DDX21: variants seen among roughly 807,000 people sequenced by gnomAD.
DDX21 encodes nucleolar RNA helicase 2.
DDX21 carries 18 observed loss-of-function variants against 90.0 expected under a neutral mutation model. That is an observed-to-expected ratio of 0.20 (90% CI 0.14 to 0.30). DDX21 has a LOEUF of 0.30. Among genes scored for constraint, DDX21 ranks in the 10% least tolerant of loss-of-function variants. The pLI is 1.00. For missense variants in DDX21, 673 were observed against 944.5 expected (o/e 0.71, Z 3.77); for synonymous variants, 294 against 318.0 (o/e 0.92, Z 0.80).
intron 2 of DDX21, among the ~76,000 whole-genome samples, chr10:68,961,671 C>T (rs1842873809): frequency 1.3e-5 from 2 of 152,162 alleles, no homozygotes; most frequent in Admixed American, 1.3e-4. Context: ...GTGACTGCTA[C>T]CTCATAAAAT....
intron 13 of DDX21, among the ~76,000 whole-genome samples, chr10:68,981,288 ACT>A (rs1432673440): frequency 6.6e-6 from 1 of 152,044 alleles, no homozygotes; most frequent in East Asian, 1.9e-4. Flanking sequence ...AATAGCTAAG[ACT>A]CTGTCTATAG....
chr10:68,963,738 A>C (rs1473414751), intron 4 of DDX21, among the ~76,000 whole-genome samples: 1 of 152,090 alleles, frequency 6.6e-6, no homozygotes, highest in African/African-American at 2.4e-5. Flanking sequence ...TCAAACCATT[A>C]GATGTCCCTG....
chr10:68,967,558 A>G (rs1842956342), intron 6 of DDX21, among the ~76,000 whole-genome samples: 1 of 152,144 alleles, frequency 6.6e-6, no homozygotes, highest in South Asian at 2.1e-4. Context: ...TTAAAAAAAA[A>G]AAGTCATTAC....
intron 5 of DDX21, among the ~76,000 whole-genome samples, chr10:68,966,113 G>A (rs1240297922): frequency 6.7e-6 from 1 of 149,822 alleles, no homozygotes; most frequent in Non-Finnish European, 1.5e-5. Flanking sequence ...TGGCTAACAC[G>A]GTAAAACCCC....
chr10:68,975,047 G>A (rs1478599271), intron 11 of DDX21, among the ~76,000 whole-genome samples: 1 of 151,968 alleles, frequency 6.6e-6, no homozygotes, highest in Non-Finnish European at 1.5e-5. Flanking sequence ...GGATACCCTC[G>A]TTTCTACTCA....
At chr10:68,976,935 ATTTCTTTTAT>A (rs1034583879) in intron 11 of DDX21, among the ~76,000 whole-genome samples, 2 of 151,384 alleles carry the variant, frequency 1.3e-5, no homozygotes, top group Non-Finnish European at 2.9e-5. Flanking sequence ...TCTTTTTCTT[ATTTCTTTTAT>A]TTTCTTTTTT....
rs3898314 is a variant in DDX21 at position 68,965,372 on chromosome 10, A to T, written c.787-5A>T. The T allele has an allele frequency of 1.5e-5, 24 of 1,606,664 alleles. No homozygotes were observed. Among genetic ancestry groups the T allele is most frequent in the Non-Finnish European group, 2.0e-5 (23 of 1,174,232 alleles). On this transcript the variant is annotated splice_region_variant and splice_polypyrimidine_tract_variant and intron_variant, in intron 4 of 14. Coordinates refer to ENST00000354185, the MANE Select transcript of DDX21 (RefSeq NM_004728.4). ...AATTTGAATTCAATTATTTTTCTTT[A>T]TCAGGTACTGGTTCTTGCACCTACA...
chr10:68,956,587 G>T (rs892741532), intron 1 of DDX21: 1 of 1,269,000 alleles, frequency 7.9e-7, no homozygotes, highest in African/African-American at 1.5e-5. Context: ...GAGAGGCCCT[G>T]TTGGAGCTCG....
chr10:68,972,472 T>A (rs934432794), intron 9 of DDX21, among the ~76,000 whole-genome samples: 1 of 152,240 alleles, frequency 6.6e-6, no homozygotes. Context: ...AATCATAGTT[T>A]ACTTGATGTG....
chr10:68,981,960 G>A (rs1843198576), intron 14 of DDX21, among the ~76,000 whole-genome samples: 2 of 151,958 alleles, frequency 1.3e-5, no homozygotes, highest in Admixed American at 6.6e-5. Context: ...TGCTACCTCC[G>A]CCTCCCGGGT....
At chr10:68,963,156 T>C (rs1842894285) in intron 3 of DDX21, 135 bp from the exon 4 acceptor site, 2 of 884,474 alleles carry the variant, frequency 2.3e-6, no homozygotes, top group Non-Finnish European at 3.3e-6. Context: ...TGAGCCTAAC[T>C]TTGTAGATGT....
Position 68,959,797 on chromosome 10 carries a change from T to C in DDX21, c.88-9T>C. 6.6e-7 allele frequency: 1 copy of C among 1,522,892 alleles called. No individual in the cohort carries two copies. The highest frequency in any genetic ancestry group is 1.3e-5 in the South Asian group (1 of 76,284). The allele number at this position is 1,522,892 out of a possible 1,614,324, so 94.3% of individuals were successfully genotyped here. A position where few individuals can be genotyped will look rare whatever the true frequency, so the allele number is the denominator to read the frequency against. ...CAGTGTTTGTATTTTCCTTATGAAT[T>C]TTTTTTAGAAAGAGAAAAAAGAGAA... On this transcript the variant is annotated splice_polypyrimidine_tract_variant and intron_variant, in intron 1 of 14. Coordinates refer to ENST00000354185, the MANE Select transcript of DDX21 (RefSeq NM_004728.4).
chr10:68,960,329 C>T, intron 2 of DDX21, 80 bp downstream of exon 2: 1 of 1,373,600 alleles, frequency 7.3e-7, no homozygotes, highest in Non-Finnish European at 9.7e-7. Context: ...TATATGTACT[C>T]TTTAATAGTA....
Position 68,977,520 on chromosome 10 carries a change from A to C in DDX21, c.1743-9A>C. 6.2e-7 allele frequency: 1 copy of C among 1,600,722 alleles called. No homozygotes were observed. The highest frequency in any genetic ancestry group is 8.5e-7 in the Non-Finnish European group (1 of 1,171,270). Reference sequence around the variant, plus strand: ...GTATCCTTTCTCCTAACACACTCTCAAACAACAGGCTTTTGGATTCCGTGC... The same window carrying C: ...GTATCCTTTCTCCTAACACACTCTCCAACAACAGGCTTTTGGATTCCGTGC... On this transcript the variant is annotated splice_polypyrimidine_tract_variant and intron_variant, in intron 11 of 14. Transcript: ENST00000354185.
chr10:68,964,217 A>G, intron 4 of DDX21: 1 of 323,678 alleles, frequency 3.1e-6, no homozygotes, highest in South Asian at 2.4e-5. Context: ...AGAACTTGAC[A>G]TTTAACAAAC....
intron 4 of DDX21, chr10:68,963,973 G>A (rs1470759007): frequency 1.9e-5 from 4 of 210,648 alleles, no homozygotes; most frequent in South Asian, 5.3e-5. Context: ...GGTGGCGGGC[G>A]CGTGTAGTCC....
chr10:68,973,568 A>G lies in DDX21; in HGVS notation c.1572A>G (p.Arg524=). Residue 524 remains arginine, a synonymous_variant, in exon 10 of 15, where the codon CGA becomes CGG. Coordinates refer to ENST00000354185, the MANE Select transcript of DDX21 (RefSeq NM_004728.4). The part of the protein sequence containing the change: ...PPKDVESYIH[R]SGRTGRAGRT... ...AGGATGTAGAGTCCTACATTCATCGATCCGGGCGGACAGGCAGAGCTGGAA... is the reference window on the plus strand; with the variant it reads ...AGGATGTAGAGTCCTACATTCATCGGTCCGGGCGGACAGGCAGAGCTGGAA... 1 of 1,614,068 alleles carries G rather than the reference A, an allele frequency of 6.2e-7. No individual in the cohort carries two copies. The highest frequency in any genetic ancestry group is 8.5e-7 in the Non-Finnish European group (1 of 1,179,984).
Position 68,978,850 on chromosome 10 carries a change from G to A in DDX21, c.1911G>A (p.Val637=). The change falls in exon 13 of 15, where the codon GTG becomes GTA. Residue 637 remains valine (V), a synonymous_variant. Coordinates refer to ENST00000354185, the MANE Select transcript of DDX21 (RefSeq NM_004728.4). ...RSLINSNVGF[V]TMILQCSIEM... is the part of the protein sequence containing the mutation. ...CTTTCTTGTGTTGTAAGGGTTTTGT[G>A]ACCATGATCTTGCAGTGCTCAATTG... The A allele has an allele frequency of 3.1e-6, 5 of 1,612,610 alleles. No homozygotes were observed. The South Asian group carries it at 5.5e-5, about 18-fold the overall frequency.
intron 5 of DDX21, among the ~76,000 whole-genome samples, chr10:68,966,333 C>T (rs952535729): frequency 6.6e-5 from 10 of 151,688 alleles, no homozygotes; most frequent in Admixed American, 3.9e-4. Context: ...CCTCAGTCTC[C>T]CAAAGTGCTG....
Sources: gnomAD v4.1 joint callset for allele counts (sites outside exome capture counted in the v4.1 genomes callset) on GRCh38, gnomAD v4.1.1 for gene constraint, MANE v1.5 for transcripts, NCBI Gene and HGNC (gene_info 2026-07-23, HGNC 2026-07-21) for gene names.